Variants in MYH6 observed in about 807,000 individuals in gnomAD.
MYH6 encodes the protein myosin heavy chain 6, also known as myosin-6.
MYH6 carries 126 observed loss-of-function variants against 223.2 expected under a neutral mutation model. The observed-to-expected ratio is 0.56, with a 90% confidence interval of 0.49 to 0.65. MYH6 has a LOEUF of 0.65. Ranked by LOEUF, MYH6 falls within the 30% of genes least tolerant of loss-of-function variation. The probability of loss-of-function intolerance (pLI) is 0.00; values close to 1 mark genes in which losing one functional copy is unlikely to be tolerated. For missense variants in MYH6, 2,040 were observed against 2,536.4 expected (o/e 0.80, Z 4.20); for synonymous variants, 978 against 1,010.2 (o/e 0.97, Z 0.61).
chr14:23,389,719 C>T lies in MYH6; in HGVS notation c.3733G>A (p.Ala1245Thr), dbSNP rs760664428. ...GTCCGAGACACTTTCTCCAGGTTTG[C>T]CTTCAGGAAGCAAGACAGGAAGGGT... The part of the protein sequence containing the change: ...SNMEQIIKAK[A>T]NLEKVSRTLE... The change falls in exon 27 of 39, where the codon GCA becomes ACA. Residue 1245 changes from alanine (A) to threonine (T), a missense_variant and splice_region_variant. Ala to Thr is a moderately conservative substitution (Grantham distance 58, BLOSUM62 0). Around this residue, in one of 4 missense-constraint regions of MYH6, gnomAD observed 1,203 missense variants for 1,400.2 expected, o/e 0.86. Transcript: ENST00000405093. 4 of 1,614,056 alleles carry T rather than the reference C, an allele frequency of 2.5e-6. No individual in the cohort carries two copies. The highest frequency in any genetic ancestry group is 3.4e-6 in the Non-Finnish European group (4 of 1,180,026).
rs1891847353 is a variant in MYH6, at chr14:23,408,243, C to A, written c.-47+10G>T. On this transcript the variant is annotated intron_variant, in intron 1 of 38. Transcript: ENST00000405093. The stretch of plus-strand genomic sequence containing the variant: ...GGCTGCAGGGCATCCCACCCCAAAC[C>A]TCCTCTTACCTGGGCCGCAGGAGTC... 1.0e-6 allele frequency: 1 copy of A among 985,340 alleles called. No homozygotes were observed. Among genetic ancestry groups the A allele is most frequent in the South Asian group, 4.7e-5 (1 of 21,292 alleles). 61.0% of individuals were successfully genotyped at this position (985,340 alleles called of 1,614,324 possible).
Position 23,405,639 on chromosome 14 carries a change from G to T in MYH6, c.333C>A (p.Ala111=), listed in dbSNP as rs774402902. 33 of 1,614,078 alleles carry T rather than the reference G, an allele frequency of 2.0e-5. No individual in the cohort carries two copies. In the Admixed American group the frequency reaches 5.3e-4, roughly 26 times the overall value. Residue 111 remains alanine (A), a synonymous_variant, in exon 4 of 39, where the codon GCC becomes GCA. Coordinates refer to ENST00000405093, the MANE Select transcript of MYH6 (RefSeq NM_002471.4). This position sits in a 1 kb window ranked among gnomAD's most constrained non-coding sequence, Gnocchi z 4.7. ...VLFNLKERYA[A]WMIYTYSGLF... The stretch of plus-strand genomic sequence containing the variant: ...AGGAGCCACTCACATATATCATCCA[G>T]GCCGCGTAGCGCTCCTTGAGGTTGA...
chr14:23,391,661 C>T (rs763164039), intron 25 of MYH6, among the ~76,000 whole-genome samples: 1 of 152,230 alleles, frequency 6.6e-6, no homozygotes, highest in Admixed American at 6.5e-5. Flanking sequence ...GACAAGGTCC[C>T]GCCCCAGTAG....
chr14:23,398,238 G>A (rs1891488897), intron 15 of MYH6, among the ~76,000 whole-genome samples: 1 of 151,962 alleles, frequency 6.6e-6, no homozygotes, highest in East Asian at 1.9e-4. Flanking sequence ...GACTGGTCTC[G>A]AACTCCTGAC....
chr14:23,392,520 G>T, intron 25 of MYH6, 42 bp downstream of exon 25: 1 of 1,399,040 alleles, frequency 7.1e-7, no homozygotes, highest in Non-Finnish European at 1.0e-6. Context: ...TTACCTCAGG[G>T]CTATTGAGCT....
rs1015958638 is a variant in MYH6, at chr14:23,397,965, T to C, written c.1892-352A>G. On this transcript the variant is annotated intron_variant, in intron 15 of 38. Transcript: ENST00000405093. Reference sequence around the variant, plus strand: ...CTTCTTCTTCTTCTTCTTCTTCTTCTTCTTCTTCTTCTTCTTCTTCTTCTT... The same window carrying C: ...CTTCTTCTTCTTCTTCTTCTTCTTCCTCTTCTTCTTCTTCTTCTTCTTCTT... Among the ~76,000 whole-genome samples the C allele has an allele frequency of 3.9e-3, 486 of 125,814 alleles. 17 individuals are homozygous for C. The highest frequency in any genetic ancestry group is 0.013 in the African/African-American group (420 of 31,736). 82.5% of individuals were successfully genotyped at this position (125,814 alleles called of 152,430 possible). A position where few individuals can be genotyped will look rare whatever the true frequency, so the allele number is the denominator to read the frequency against.
rs1114167343 is a variant in MYH6 at position 23,390,181 on chromosome 14, G to GC, written c.3607dup (p.Ala1203GlyfsTer30). ...GTTGTCGATCTGCTCGCCCAGCTCGGCCACGCTGTCGGCGTGCTTCTTGCG... is the reference window on the plus strand; with the variant it reads ...GTTGTCGATCTGCTCGCCCAGCTCGGCCCACGCTGTCGGCGTGCTTCTTGCG... On this transcript the variant is annotated frameshift_variant, in exon 26 of 39. Transcript: ENST00000405093. LOFTEE classifies it high-confidence loss of function. The GC allele has an allele frequency of 2.1e-5, 33 of 1,607,392 alleles. No individual in the cohort carries two copies. Among genetic ancestry groups the GC allele is most frequent in the Non-Finnish European group, 2.7e-5 (32 of 1,176,234 alleles).
In MYH6 at chr14:23,384,979, T is replaced by C; in HGVS notation, c.5226A>G (p.Glu1742=). 1 of 1,614,258 alleles carries C rather than the reference T, an allele frequency of 6.2e-7. No homozygotes were observed. The highest frequency in any genetic ancestry group is 8.5e-7 in the Non-Finnish European group (1 of 1,180,054). ...MESDLTQLQS[E]VEEAVQECRN... is the part of the protein sequence containing the mutation. Reference sequence around the variant, plus strand: ...TGCACTCCTGCACTGCCTCCTCCACTTCCGACTGGAGCTGGGTCAGATCCG... The same window carrying C: ...TGCACTCCTGCACTGCCTCCTCCACCTCCGACTGGAGCTGGGTCAGATCCG... Residue 1742 remains glutamate (E), a synonymous_variant, in exon 35 of 39, where the codon GAA becomes GAG. Transcript: ENST00000405093.
chr14:23,388,418 C>G, intron 29 of MYH6, 80 bp from the exon 30 acceptor site: 2 of 1,558,068 alleles, frequency 1.3e-6, no homozygotes, highest in South Asian at 2.2e-5. Flanking sequence ...CTTCCACCCC[C>G]TCCCTATATC....
At chr14:23,401,980 C>T (rs555689382) in intron 12 of MYH6, among the ~76,000 whole-genome samples, 3 of 152,296 alleles carry the variant, frequency 2.0e-5, no homozygotes, top group Non-Finnish European at 4.4e-5. Flanking sequence ...ACTGTTTGCA[C>T]CTTCACATTT....
In MYH6 at chr14:23,407,469, T is replaced by A; in HGVS notation, c.-14+107A>T. 7.9e-7 allele frequency: 1 copy of A among 1,269,362 alleles called. No homozygotes were observed. Among genetic ancestry groups the A allele is most frequent in the Non-Finnish European group, 1.0e-6 (1 of 958,526 alleles). 78.6% of individuals were successfully genotyped at this position (1,269,362 alleles called of 1,614,324 possible). A position where few individuals can be genotyped will look rare whatever the true frequency, so the allele number is the denominator to read the frequency against. On this transcript the variant is annotated intron_variant, in intron 2 of 38. Transcript: ENST00000405093. This position sits in a 1 kb window ranked among gnomAD's most constrained non-coding sequence, Gnocchi z 5.6. ...TGGGGTGGCATTGGCTGGAGTATGC[T>A]AAGGGTTGGCGCTGAGTGCTTGGGA... is the stretch of plus-strand genomic sequence containing the variant.
intron 10 of MYH6, 129 bp downstream of exon 10, chr14:23,403,219 T>A: frequency 1.2e-6 from 1 of 813,640 alleles, no homozygotes; most frequent in Non-Finnish European, 2.1e-6. Context: ...GCGGAGTGAG[T>A]GGAGGGAGAA....
intron 7 of MYH6, 127 bp from the exon 8 acceptor site, chr14:23,404,515 G>T (rs1891714912): frequency 8.3e-7 from 1 of 1,208,498 alleles, no homozygotes; most frequent in East Asian, 2.4e-5. Context: ...TAGTGGGTCT[G>T]CGACTCCACA....
rs769831822 is a variant in MYH6, at chr14:23,388,844, G to T, written c.4175+15C>A. The T allele has an allele frequency of 1.2e-6, 2 of 1,613,856 alleles. No homozygotes were observed. The highest frequency in any genetic ancestry group is 8.5e-7 in the Non-Finnish European group (1 of 1,180,036). ...CCTCTCTGAGAGTCAGGTTAAGGGG[G>T]TATCTGGAGCTCACTTGGCCTCTTC... On this transcript the variant is annotated intron_variant, in intron 29 of 38. Transcript: ENST00000405093.
chr14:23,400,388 G>A lies in MYH6; in HGVS notation c.1449C>T (p.Asn483=), dbSNP rs145447555. ...GGTTGAAGAACTGCTGCAGCTTCTC[G>A]TTGGTGAAGTTGATGCAGAGCTGCT... ...SFEQLCINFT[N]EKLQQFFNHH... The change falls in exon 14 of 39, where the codon AAC becomes AAT. Residue 483 remains asparagine, a synonymous_variant. Transcript: ENST00000405093. 711 of 1,614,196 alleles carry A rather than the reference G, an allele frequency of 4.4e-4. 1 individual carries two copies. In the African/African-American group the frequency reaches 7.5e-3, roughly 17 times the overall value.
intron 7 of MYH6, 119 bp from the exon 8 acceptor site, chr14:23,404,507 G>C: frequency 8.0e-7 from 1 of 1,243,824 alleles, no homozygotes; most frequent in Middle Eastern, 1.9e-4. Flanking sequence ...TGAACCGCTA[G>C]TGGGTCTGCG....
At chr14:23,393,616 C>A (rs1566510012) in intron 22 of MYH6, 50 bp downstream of exon 22, 1 of 1,614,078 alleles carries the variant, frequency 6.2e-7, no homozygotes, top group African/African-American at 1.3e-5. Flanking sequence ...ACACTCTAGT[C>A]TGGGAGTCTT....
intron 20 of MYH6, 30 bp downstream of exon 20, chr14:23,396,254 G>A (rs199657551): frequency 5.0e-6 from 8 of 1,613,896 alleles, no homozygotes; most frequent in Non-Finnish European, 8.5e-7. Flanking sequence ...TACATCTCTA[G>A]TGCATGCCTC....
intron 36 of MYH6, among the ~76,000 whole-genome samples, chr14:23,384,210 A>G (rs1890947513): frequency 6.6e-6 from 1 of 151,904 alleles, no homozygotes; most frequent in Non-Finnish European, 1.5e-5. Context: ...AAAAAGAAAG[A>G]AAGAAACCTG....
Sources: gnomAD v4.1 joint callset for allele counts (sites outside exome capture counted in the v4.1 genomes callset) on GRCh38, gnomAD v4.1.1 for gene constraint, gnomAD v4.1.1 regional missense constraint, Gnocchi (gnomAD v3.1) non-coding constraint, MANE v1.5 for transcripts, NCBI Gene and HGNC (gene_info 2026-07-23, HGNC 2026-07-21) for gene names.